ZBTB20: variants seen among roughly 807,000 people sequenced by gnomAD.
The protein encoded by ZBTB20 is zinc finger and BTB domain containing 20, also known as zinc finger and BTB domain-containing protein 20.
A neutral mutation model predicts 56.9 loss-of-function variants in ZBTB20; 9 were observed. The ratio of observed to expected loss-of-function variants is 0.16; its 90% CI spans 0.10 to 0.28. The LOEUF is 0.28. Among genes scored for constraint, ZBTB20 ranks in the 10% least tolerant of loss-of-function variants. The pLI, the probability that ZBTB20 is intolerant of heterozygous loss-of-function variation, is 1.00. For missense variants in ZBTB20, 655 were observed against 1,003.0 expected, an observed-to-expected ratio of 0.65 and a Z score of 4.69; for synonymous variants, 417 against 420.7, an observed-to-expected ratio of 0.99 and a Z score of 0.11.
chr3:114,812,095 G>A (rs1560278454), intron 4 of ZBTB20, among the ~76,000 whole-genome samples: 1 of 152,186 alleles, frequency 6.6e-6, no homozygotes, highest in Non-Finnish European at 1.5e-5. Context: ...CCCAAAGAGT[G>A]AGCAGTAGCA....
intron 4 of ZBTB20, among the ~76,000 whole-genome samples, chr3:114,822,098 T>C (rs2073284024): frequency 6.6e-6 from 1 of 152,086 alleles, no homozygotes; most frequent in Non-Finnish European, 1.5e-5. Flanking sequence ...TAGAAGCAGA[T>C]TATTTCATTC....
chr3:114,871,339 C>T (rs1007180442), intron 4 of ZBTB20, among the ~76,000 whole-genome samples: 1 of 152,080 alleles, frequency 6.6e-6, no homozygotes, highest in Non-Finnish European at 1.5e-5. Context: ...CAGAGCTCTG[C>T]TAAATACATC....
At chr3:114,690,752 G>A (rs775611293) in intron 6 of ZBTB20, among the ~76,000 whole-genome samples, 9 of 151,886 alleles carry the variant, frequency 5.9e-5, no homozygotes, top group Non-Finnish European at 1.3e-4. Flanking sequence ...CCCATCACAT[G>A]TTTTCCATGT....
At chr3:114,425,715 T>C (rs983532463) in intron 7 of ZBTB20, among the ~76,000 whole-genome samples, 1 of 152,190 alleles carries the variant, frequency 6.6e-6, no homozygotes, top group Admixed American at 6.5e-5. Flanking sequence ...CTCTTTTAGT[T>C]AGGGTTAACT....
chr3:115,064,054 T>C (rs2082113747), intron 2 of ZBTB20, among the ~76,000 whole-genome samples: 1 of 152,300 alleles, frequency 6.6e-6, no homozygotes, highest in Non-Finnish European at 1.5e-5. Context: ...AAAACCTCTA[T>C]AAATATAATA....
intron 3 of ZBTB20, among the ~76,000 whole-genome samples, chr3:114,936,818 T>G (rs1210968523): frequency 6.6e-6 from 1 of 152,172 alleles, no homozygotes; most frequent in Non-Finnish European, 1.5e-5. Flanking sequence ...GATTATGTAC[T>G]GTGCCAGTTT....
At chr3:114,941,564 G>A (rs925037931) in intron 3 of ZBTB20, among the ~76,000 whole-genome samples, 3 of 146,396 alleles carry the variant, frequency 2.0e-5, no homozygotes, top group Non-Finnish European at 2.9e-5. Flanking sequence ...TGTCTCTGAT[G>A]AGCAGGGCAA....
chr3:114,596,572 G>A (rs1004034286), intron 6 of ZBTB20, among the ~76,000 whole-genome samples: 1 of 152,170 alleles, frequency 6.6e-6, no homozygotes, highest in Non-Finnish European at 1.5e-5. Flanking sequence ...CTGCATTTAA[G>A]TGCGGTTATC....
intron 6 of ZBTB20, among the ~76,000 whole-genome samples, chr3:114,643,634 A>G (rs1323368080): frequency 6.6e-6 from 1 of 152,138 alleles, no homozygotes; most frequent in Non-Finnish European, 1.5e-5. Context: ...TGATTGGTGA[A>G]TCAACACTTT....
Position 115,007,782 on chromosome 3 carries a change from C to T in ZBTB20, c.-506-33366G>A, listed in dbSNP as rs541407811. 1.1e-4 allele frequency among the ~76,000 whole-genome samples: 17 copies of T among 151,818 alleles called. No homozygotes were observed. In the South Asian group the frequency reaches 3.5e-3, roughly 32 times the overall value. Reference sequence around the variant, plus strand: ...CCCTTATAACATAATTTAATTATTCCCACCAAGATCGCAAATCACAAGACG... The same window carrying T: ...CCCTTATAACATAATTTAATTATTCTCACCAAGATCGCAAATCACAAGACG... On this transcript the variant is annotated intron_variant, in intron 2 of 11. Transcript: ENST00000675478.
At chr3:115,043,676 TC>T (rs1211062063) in intron 2 of ZBTB20, among the ~76,000 whole-genome samples, 1 of 151,648 alleles carries the variant, frequency 6.6e-6, no homozygotes, top group African/African-American at 2.4e-5. Flanking sequence ...AAAGAGATCA[TC>T]TAACATATAG....
intron 4 of ZBTB20, among the ~76,000 whole-genome samples, chr3:114,835,089 C>G (rs919803187): frequency 6.6e-6 from 1 of 152,068 alleles, no homozygotes; most frequent in African/African-American, 2.4e-5. Flanking sequence ...ACTGTTTACC[C>G]ACTGATGTTA....
intron 3 of ZBTB20, among the ~76,000 whole-genome samples, chr3:114,963,771 G>A (rs1051094143): frequency 1.3e-5 from 2 of 151,706 alleles, no homozygotes; most frequent in Non-Finnish European, 2.9e-5. Flanking sequence ...AATGTCTTTT[G>A]TCTTAAAATT....
At chr3:114,664,847 T>G (rs1388686555) in intron 6 of ZBTB20, among the ~76,000 whole-genome samples, 1 of 152,108 alleles carries the variant, frequency 6.6e-6, no homozygotes, top group Non-Finnish European at 1.5e-5. Context: ...CCCTAGGAAC[T>G]GGTAATAGGA....
intron 4 of ZBTB20, among the ~76,000 whole-genome samples, chr3:114,877,798 A>G (rs1478268496): frequency 2.0e-5 from 3 of 151,994 alleles, no homozygotes; most frequent in Non-Finnish European, 4.4e-5. Context: ...TAAACTAAAT[A>G]TTTCTTCCAT....
At chr3:114,733,462 C>G (rs1163145670) in intron 5 of ZBTB20, among the ~76,000 whole-genome samples, 1 of 152,138 alleles carries the variant, frequency 6.6e-6, no homozygotes, top group East Asian at 1.9e-4. Flanking sequence ...TCATCTGTGG[C>G]CCAGACAGTT....
In ZBTB20 at chr3:114,472,480, C is replaced by A. The variant is rs149738869; in HGVS notation, c.-255+27872G>T. ...ATCTCAGCACTTTGGGAGGCCAAGG[C>A]GGGCACATCACCTGAGGTCAGGTGT... is the stretch of plus-strand genomic sequence containing the variant. On this transcript the variant is annotated intron_variant, in intron 7 of 11. Coordinates refer to ENST00000675478, the MANE Select transcript of ZBTB20 (RefSeq NM_001348800.3). Among the ~76,000 whole-genome samples the A allele has an allele frequency of 2.3e-3, 349 of 152,232 alleles. 2 individuals carry two copies. Among genetic ancestry groups the A allele is most frequent in the African/African-American group, 7.9e-3 (330 of 41,540 alleles).
In ZBTB20 at chr3:115,050,019, C is replaced by G. The variant is rs183796946; in HGVS notation, c.-507+21200G>C. 2.0e-5 allele frequency among the ~76,000 whole-genome samples: 3 copies of G among 151,794 alleles called. No individual in the cohort carries two copies. The East Asian group carries it at 5.8e-4, about 29-fold the overall frequency. On this transcript the variant is annotated intron_variant, in intron 2 of 11. Transcript: ENST00000675478. ...GATTATATCATTACATAGTACAGAT[C>G]GTAAATATATGCTTAAGGAACAAGT...
chr3:114,521,477 T>C (rs1486501806), intron 6 of ZBTB20, among the ~76,000 whole-genome samples: 1 of 152,192 alleles, frequency 6.6e-6, no homozygotes, highest in African/African-American at 2.4e-5. Context: ...ATATTTTGTG[T>C]CTCCACTAAC....
Sources: gnomAD v4.1 joint callset for allele counts (sites outside exome capture counted in the v4.1 genomes callset) on GRCh38, gnomAD v4.1.1 for gene constraint, MANE v1.5 for transcripts, NCBI Gene and HGNC (gene_info 2026-07-23, HGNC 2026-07-21) for gene names.